GABRB3: variants seen among roughly 807,000 people sequenced by gnomAD.
The protein encoded by GABRB3 is gamma-aminobutyric acid type A receptor subunit beta3, also known as gamma-aminobutyric acid receptor subunit beta-3.
In GABRB3, 14 loss-of-function variants were observed where a neutral mutation model predicts 52.1. The ratio of observed to expected loss-of-function variants is 0.27; its 90% CI spans 0.18 to 0.42. The LOEUF (loss-of-function observed/expected upper bound fraction) is 0.42, where lower values mean the gene tolerates loss of function less well. Ranked by LOEUF, GABRB3 falls within the 10% of genes least tolerant of loss-of-function variation. The pLI is 1.00. For missense variants in GABRB3, 307 were observed against 609.1 expected, an observed-to-expected ratio of 0.50 and a Z score of 5.22; for synonymous variants, 260 against 232.3, an observed-to-expected ratio of 1.12 and a Z score of -1.08.
chr15:26,686,008 G>A (rs934666380), intron 3 of GABRB3, among the ~76,000 whole-genome samples: 8 of 152,010 alleles, frequency 5.3e-5, no homozygotes, highest in Admixed American at 2.0e-4. Context: ...GTGGGATCTC[G>A]CTATGCTGCT....
chr15:26,743,073 G>A (rs1399543463), intron 3 of GABRB3, among the ~76,000 whole-genome samples: 1 of 152,032 alleles, frequency 6.6e-6, no homozygotes, highest in East Asian at 1.9e-4. Context: ...GGGATTACAG[G>A]CACGCACCAA....
chr15:26,554,137 A>ATATAAAG (rs1889622374), intron 8 of GABRB3, among the ~76,000 whole-genome samples: 1 of 90,240 alleles, frequency 1.1e-5, no homozygotes, highest in South Asian at 3.1e-4. Context: ...GTATATATAT[A>ATATAAAG]TATAAAGTAT....
intron 8 of GABRB3, among the ~76,000 whole-genome samples, chr15:26,556,435 G>A (rs1190627219): frequency 6.6e-6 from 1 of 152,184 alleles, no homozygotes; most frequent in Non-Finnish European, 1.5e-5. Context: ...ATGATGTTGA[G>A]TCTGCAGCTC....
intron 6 of GABRB3, among the ~76,000 whole-genome samples, chr15:26,569,029 A>G (rs1238713802): frequency 6.6e-6 from 1 of 151,742 alleles, no homozygotes; most frequent in African/African-American, 2.4e-5. Flanking sequence ...AGCTGCCCAC[A>G]CCCTAAACTC....
intron 5 of GABRB3, among the ~76,000 whole-genome samples, chr15:26,582,081 C>G (rs1243176847): frequency 6.6e-6 from 1 of 152,150 alleles, no homozygotes; most frequent in Non-Finnish European, 1.5e-5. Flanking sequence ...AGAAGAAAAT[C>G]AGGAGAATCC....
intron 3 of GABRB3, among the ~76,000 whole-genome samples, chr15:26,721,906 G>C (rs1889653091): frequency 6.6e-6 from 1 of 151,952 alleles, no homozygotes; most frequent in African/African-American, 2.4e-5. Flanking sequence ...AAAGACCATT[G>C]GTCCATGATA....
At chr15:26,554,035 ATTTATT>A (rs374730346) in intron 8 of GABRB3, among the ~76,000 whole-genome samples, 2,686 of 80,286 alleles carry the variant, frequency 0.033, 654 homozygotes, top group African/African-American at 0.13. Flanking sequence ...ATATATATAT[ATTTATT>A]TATTTATATT....
rs928114854 is a variant in GABRB3, at chr15:26,745,540, G to A, written c.240+26862C>T. 6.6e-5 allele frequency among the ~76,000 whole-genome samples: 10 copies of A among 152,202 alleles called. 1 individual carries two copies. The South Asian group carries it at 8.3e-4, about 13-fold the overall frequency. ...AGGTCTATGCAATTTTATCATAGGC[G>A]TAGATTCCCTGCAGCCTCGACCTCC... On this transcript the variant is annotated intron_variant, in intron 3 of 8. Coordinates refer to ENST00000311550, the MANE Select transcript of GABRB3 (RefSeq NM_000814.6).
At chr15:26,617,174 C>A (rs991406237) in intron 4 of GABRB3, among the ~76,000 whole-genome samples, 1 of 152,126 alleles carries the variant, frequency 6.6e-6, no homozygotes, top group Non-Finnish European at 1.5e-5. Flanking sequence ...TGGTACCATT[C>A]CTTCTGAAAC....
intron 3 of GABRB3, among the ~76,000 whole-genome samples, chr15:26,749,761 G>GTGTT (rs760004103): frequency 2.0e-5 from 3 of 152,128 alleles, no homozygotes; most frequent in Non-Finnish European, 4.4e-5. Context: ...TTTTTTGTTG[G>GTGTT]TGTTTGTTTG....
chr15:26,772,582 C>T, intron 2 of GABRB3, 99 bp downstream of exon 2: 2 of 1,441,706 alleles, frequency 1.4e-6, no homozygotes, highest in Non-Finnish European at 1.9e-6. Flanking sequence ...CCCACTCCCA[C>T]CCGCCGCTGC....
chr15:26,686,395 C>T (rs1888406960), intron 3 of GABRB3, among the ~76,000 whole-genome samples: 1 of 152,176 alleles, frequency 6.6e-6, no homozygotes, highest in South Asian at 2.1e-4. Context: ...CACCTCTTTG[C>T]TGTTGTTGAG....
chr15:26,556,456 C>A (rs1036586629), intron 8 of GABRB3, among the ~76,000 whole-genome samples: 3 of 152,138 alleles, frequency 2.0e-5, no homozygotes, highest in Non-Finnish European at 4.4e-5. Context: ...TGATTCCTTG[C>A]CAAGAATTAT....
chr15:26,629,183 C>T (rs1239625219), intron 3 of GABRB3: 11 of 1,470,030 alleles, frequency 7.5e-6, no homozygotes, highest in Admixed American at 6.7e-5. Context: ...TCCCGGGAGA[C>T]GGAGGGCTTT....
chr15:26,754,968 T>C (rs1890619814), intron 3 of GABRB3, among the ~76,000 whole-genome samples: 1 of 151,420 alleles, frequency 6.6e-6, no homozygotes, highest in Non-Finnish European at 1.5e-5. Context: ...TCTGACCATA[T>C]GGAACTCCAG....
chr15:26,754,232 G>C (rs1238733223), intron 3 of GABRB3, among the ~76,000 whole-genome samples: 1 of 152,100 alleles, frequency 6.6e-6, no homozygotes, highest in Non-Finnish European at 1.5e-5. Flanking sequence ...AGTAAGAATG[G>C]GAGAGAGGGA....
chr15:26,661,145 C>A (rs1887529574), intron 3 of GABRB3, among the ~76,000 whole-genome samples: 1 of 152,010 alleles, frequency 6.6e-6, no homozygotes, highest in African/African-American at 2.4e-5. Context: ...TAGGTAAAAA[C>A]AGGCAAATTG....
At chr15:26,557,292 G>T (rs139763343) in intron 8 of GABRB3, among the ~76,000 whole-genome samples, 329 of 152,228 alleles carry the variant, frequency 2.2e-3, no homozygotes, top group Non-Finnish European at 3.3e-3. Flanking sequence ...AGGGTGAGAG[G>T]ACGAAGAGGA....
rs138382136 is a variant in GABRB3, at chr15:26,573,214, C to T, written c.683-5481G>A. Among the ~76,000 whole-genome samples the T allele has an allele frequency of 8.5e-5, 13 of 152,218 alleles. No individual in the cohort carries two copies. The East Asian group carries it at 2.3e-3, about 27-fold the overall frequency. On this transcript the variant is annotated intron_variant, in intron 6 of 8. Coordinates refer to ENST00000311550, the MANE Select transcript of GABRB3 (RefSeq NM_000814.6). ...AGCTTTGTGAGCTCTCACTTAGAGC[C>T]GTTCTGGGCCCATTATCATGCTATA...
Sources: allele counts gnomAD v4.1 joint callset (sites outside exome capture counted in the v4.1 genomes callset), GRCh38; gene constraint gnomAD v4.1.1; transcripts MANE v1.5; gene names NCBI Gene and HGNC (gene_info 2026-07-23, HGNC 2026-07-21).